The following AOPEP variants were observed in gnomAD, a reference collection of about 807,000 sequenced individuals.
AOPEP encodes aminopeptidase O (putative), also known as aminopeptidase O.
In AOPEP, 77 loss-of-function variants were observed where a neutral mutation model predicts 98.1. The observed-to-expected ratio is 0.78, with a 90% CI of 0.65 to 0.95. The LOEUF (loss-of-function observed/expected upper bound fraction) is 0.95. Among genes scored for constraint, AOPEP ranks in the 40% least tolerant of loss-of-function variants. The pLI is 0.00. For missense variants in AOPEP, 1,024 were observed against 1,024.7 expected, an observed-to-expected ratio of 1.00 and a Z score of 0.01; for synonymous variants, 346 against 365.3, an observed-to-expected ratio of 0.95 and a Z score of 0.60.
Position 94,760,070 on chromosome 9 carries a change from A to T in AOPEP, c.287A>T (p.Tyr96Phe). The change falls in exon 2 of 17, where the codon TAT becomes TTT. Residue 96 changes from tyrosine to phenylalanine, a missense_variant. Physicochemically the swap from Tyr to Phe is conservative, Grantham distance 22. Transcript: ENST00000375315. ...NARTFSSEME[Y>F]NDFAICSKGE... ...AGGACCTTCTCATCTGAAATGGAAT[A>T]TAATGATTTTGCAATCTGTAGTAAA... is the stretch of plus-strand genomic sequence containing the variant. 3.7e-6 allele frequency: 6 copies of T among 1,614,236 alleles called. No individual in the cohort carries two copies. Among genetic ancestry groups the T allele is most frequent in the South Asian group, 1.1e-5 (1 of 91,084 alleles).
At chr9:95,125,385 C>T in the AOPEP span, among the ~76,000 whole-genome samples, 3 of 152,192 alleles carry the variant, frequency 2.0e-5, no homozygotes, top group Admixed American at 1.3e-4. Context: ...AAAATTGCAA[C>T]GTGCAGAGCT....
intron 5 of AOPEP, among the ~76,000 whole-genome samples, chr9:94,909,476 TG>T (rs1445890757): frequency 2.6e-5 from 4 of 152,204 alleles, no homozygotes. Context: ...TTCTTTTCTT[TG>T]TTTGTTGTTA....
chr9:94,814,259 G>A, intron 5 of AOPEP, among the ~76,000 whole-genome samples: 1 of 152,180 alleles, frequency 6.6e-6, no homozygotes, highest in East Asian at 1.9e-4. Context: ...GCAAAATCTT[G>A]CTGTACTCAG....
chr9:95,018,962 G>C (rs557955148), intron 13 of AOPEP: 1 of 152,268 alleles, frequency 6.6e-6, no homozygotes, highest in Non-Finnish European at 1.5e-5. Context: ...TGTGGATAGC[G>C]ATGCCATCCG....
chr9:95,101,385 G>C, the AOPEP span: 1 of 424,918 alleles, frequency 2.4e-6, no homozygotes, highest in Admixed American at 3.7e-5. Context: ...CTTGACTTGG[G>C]TAAAAACTAG....
At chr9:94,805,261 G>A (rs1198124380) in intron 5 of AOPEP, among the ~76,000 whole-genome samples, 1 of 151,934 alleles carries the variant, frequency 6.6e-6, no homozygotes, top group African/African-American at 2.4e-5. Context: ...CTGTTCTTGA[G>A]CAGAATTCTC....
At chr9:95,052,488 A>T (rs1004373) in intron 13 of AOPEP, among the ~76,000 whole-genome samples, 1 of 152,068 alleles carries the variant, frequency 6.6e-6, no homozygotes, top group African/African-American at 2.4e-5. Flanking sequence ...AGGAAAAACC[A>T]TATTATCACA....
chr9:94,965,519 C>T (rs1387584183), intron 9 of AOPEP, among the ~76,000 whole-genome samples: 2 of 152,234 alleles, frequency 1.3e-5, no homozygotes, highest in Non-Finnish European at 2.9e-5. Flanking sequence ...AAGAAGAACA[C>T]CTTGTCATAC....
chr9:94,896,202 ATCAT>A (rs1430581367), intron 5 of AOPEP, among the ~76,000 whole-genome samples: 1 of 152,236 alleles, frequency 6.6e-6, no homozygotes, highest in Non-Finnish European at 1.5e-5. Context: ...CTTCTTAAAA[ATCAT>A]TCATTTTCTG....
At chr9:94,798,655 C>T (rs1225169546) in intron 4 of AOPEP, among the ~76,000 whole-genome samples, 2 of 152,136 alleles carry the variant, frequency 1.3e-5, no homozygotes, top group African/African-American at 2.4e-5. Context: ...AAGATGCCTG[C>T]ACACTCCAGT....
At chr9:94,942,990 TA>T (rs1329541710) in intron 7 of AOPEP, among the ~76,000 whole-genome samples, 1 of 142,398 alleles carries the variant, frequency 7.0e-6, no homozygotes, top group Non-Finnish European at 1.5e-5. Context: ...AACCCAAATA[TA>T]AAAGCTAAAA....
chr9:95,050,743 A>G (rs894517646), intron 13 of AOPEP, among the ~76,000 whole-genome samples: 5 of 152,214 alleles, frequency 3.3e-5, no homozygotes, highest in Non-Finnish European at 7.3e-5. Context: ...ATTTATGCTT[A>G]GTTTGGATTT....
the AOPEP span, among the ~76,000 whole-genome samples, chr9:95,144,063 TA>T: frequency 1.0e-3 from 152 of 146,228 alleles, 3 homozygotes; most frequent in African/African-American, 3.7e-3. Flanking sequence ...GTTGGAAGGC[TA>T]AACACGGGTT....
chr9:94,863,915 A>G (rs1186669595), intron 5 of AOPEP, among the ~76,000 whole-genome samples: 1 of 152,206 alleles, frequency 6.6e-6, no homozygotes, highest in Non-Finnish European at 1.5e-5. Flanking sequence ...GCATCTTACC[A>G]GTTCAAACCT....
At chr9:94,761,359 T>A (rs991123647) in intron 2 of AOPEP, among the ~76,000 whole-genome samples, 2 of 152,226 alleles carry the variant, frequency 1.3e-5, no homozygotes, top group Non-Finnish European at 2.9e-5. Flanking sequence ...GTTGTTCAGA[T>A]TTTTTTAAAT....
At chr9:95,092,313 C>T in the AOPEP span, among the ~76,000 whole-genome samples, 4 of 152,252 alleles carry the variant, frequency 2.6e-5, no homozygotes, top group African/African-American at 7.2e-5. Flanking sequence ...CTCCCACCCC[C>T]GCCTGGGCCC....
At chr9:94,941,845 GA>G (rs2057045141) in intron 7 of AOPEP, among the ~76,000 whole-genome samples, 1 of 152,012 alleles carries the variant, frequency 6.6e-6, no homozygotes, top group African/African-American at 2.4e-5. Flanking sequence ...AGAAAAACAT[GA>G]AAAAGCAAGA....
chr9:95,144,219 A>C, the AOPEP span, among the ~76,000 whole-genome samples: 1 of 152,224 alleles, frequency 6.6e-6, no homozygotes, highest in Non-Finnish European at 1.5e-5. Flanking sequence ...TGTTCCGCCT[A>C]CGGGAAAGTG....
intron 5 of AOPEP, among the ~76,000 whole-genome samples, chr9:94,853,721 G>C (rs1379313668): frequency 6.6e-6 from 1 of 152,204 alleles, no homozygotes; most frequent in African/African-American, 2.4e-5. Flanking sequence ...ACTCCACACA[G>C]AGAAAACAAG....
Sources: allele counts gnomAD v4.1 joint callset (sites outside exome capture counted in the v4.1 genomes callset), GRCh38; gene constraint gnomAD v4.1.1; transcripts MANE v1.5; gene names NCBI Gene and HGNC (gene_info 2026-07-23, HGNC 2026-07-21).